The following SMC5 variants were observed in gnomAD, a reference collection of about 807,000 sequenced individuals.
The protein encoded by SMC5 is structural maintenance of chromosomes protein 5.
SMC5 carries 88 observed loss-of-function variants against 148.3 expected under a neutral mutation model. That is an observed-to-expected ratio of 0.59 (90% CI 0.50 to 0.71). The LOEUF is 0.71. Among genes scored for constraint, SMC5 ranks in the 30% least tolerant of loss-of-function variants. SMC5 has a pLI of 0.00. For missense variants in SMC5, 1,142 were observed against 1,298.9 expected, an observed-to-expected ratio of 0.88 and a Z score of 1.86; for synonymous variants, 421 against 432.8, an observed-to-expected ratio of 0.97 and a Z score of 0.34.
chr9:70,352,777 A>T lies in SMC5; in HGVS notation c.*446A>T, dbSNP rs1703160262. The T allele has an allele frequency of 6.5e-6, 1 of 153,036 alleles. No individual in the cohort carries two copies. The highest frequency in any genetic ancestry group is 2.0e-4 in the South Asian group (1 of 4,884). 9.5% of individuals were successfully genotyped at this position (153,036 alleles called of 1,614,324 possible). A position where few individuals can be genotyped will look rare whatever the true frequency, so the allele number is the denominator to read the frequency against. On this transcript the variant is annotated 3_prime_UTR_variant, in exon 25 of 25. Transcript: ENST00000361138. Reference sequence around the variant, plus strand: ...TATTTAATTTTAAAAAATTGATATGAAAATGTCTAATGTATAGTAATAATT... The same window carrying T: ...TATTTAATTTTAAAAAATTGATATGTAAATGTCTAATGTATAGTAATAATT...
At chr9:70,323,954 C>G in intron 16 of SMC5, 67 bp from the exon 17 acceptor site, 1 of 1,338,728 alleles carries the variant, frequency 7.5e-7, no homozygotes, top group Non-Finnish European at 1.0e-6. Context: ...TTTTAAAAAA[C>G]TATACATTTT....
intron 12 of SMC5, 57 bp downstream of exon 12, chr9:70,314,893 TTACA>T: frequency 9.2e-7 from 1 of 1,084,324 alleles, no homozygotes. Context: ...ACATTTATTG[TTACA>T]TAAATAAGCT....
intron 13 of SMC5, 85 bp from the exon 14 acceptor site, chr9:70,318,429 A>G: frequency 6.9e-6 from 8 of 1,152,560 alleles, no homozygotes; most frequent in Non-Finnish European, 8.3e-6. Flanking sequence ...ATCTTCCAAA[A>G]TTCACTTGGT....
chr9:70,279,813 G>A lies in SMC5; in HGVS notation c.679-946G>A, dbSNP rs76470798. On this transcript the variant is annotated intron_variant, in intron 5 of 24. Coordinates refer to ENST00000361138, the MANE Select transcript of SMC5 (RefSeq NM_015110.4). ...GCCTGGGCAACAAGAGCAAAACTCCGTTTCAAAAAAAAAAAAAAAAAAAAA... is the reference window on the plus strand; with the variant it reads ...GCCTGGGCAACAAGAGCAAAACTCCATTTCAAAAAAAAAAAAAAAAAAAAA... Among the ~76,000 whole-genome samples the A allele has an allele frequency of 1.6e-3, 135 of 85,544 alleles. 1 individual carries two copies. Among genetic ancestry groups the A allele is most frequent in the Middle Eastern group, 0.026 (2 of 78 alleles). 56.1% of individuals were successfully genotyped at this position (85,544 alleles called of 152,430 possible). A position where few individuals can be genotyped will look rare whatever the true frequency, so the allele number is the denominator to read the frequency against.
chr9:70,314,724 T>C lies in SMC5; in HGVS notation c.1579-18T>C. 1 of 1,308,320 alleles carries C rather than the reference T, an allele frequency of 7.6e-7. No individual in the cohort carries two copies. Among genetic ancestry groups the C allele is most frequent in the Non-Finnish European group, 1.1e-6 (1 of 941,706 alleles). The allele number at this position is 1,308,320 out of a possible 1,614,324, so 81.0% of individuals were successfully genotyped here. On this transcript the variant is annotated intron_variant, in intron 11 of 24. Coordinates refer to ENST00000361138, the MANE Select transcript of SMC5 (RefSeq NM_015110.4). ...ATATATGGTAATTAAAATAATATTT[T>C]CTTTTCCCTATATTCAGGTTCGTGA...
rs569507827 is a variant in SMC5, at chr9:70,259,002, G to T, written c.-77G>T. 1.4e-6 allele frequency: 2 copies of T among 1,465,590 alleles called. No individual in the cohort carries two copies. Among genetic ancestry groups the T allele is most frequent in the Non-Finnish European group, 1.8e-6 (2 of 1,103,450 alleles). The allele number at this position is 1,465,590 out of a possible 1,614,324, so 90.8% of individuals were successfully genotyped here. On this transcript the variant is annotated 5_prime_UTR_variant, in exon 1 of 25. Coordinates refer to ENST00000361138, the MANE Select transcript of SMC5 (RefSeq NM_015110.4). ...CAGTTCGCGCGGGAGCGGGGCGCCT[G>T]GGTGGATGGGCGCTTGGGCGCCTGG...
intron 17 of SMC5, among the ~76,000 whole-genome samples, chr9:70,335,451 C>T (rs117318762): frequency 1.2e-4 from 18 of 152,200 alleles, no homozygotes; most frequent in African/African-American, 2.9e-4. Flanking sequence ...CATGTCACTG[C>T]GCTATAGCCT....
Position 70,264,369 on chromosome 9 carries a change from C to T in SMC5, c.251C>T (p.Thr84Ile). ...AATATGATCGTTGGAGCCAATGGAA[C>T]AGGGAAGTCGAGCATTGTGTGTGCC... ...HLNMIVGANGTGKSSIVCAIC... is the reference protein window; with the variant it reads ...HLNMIVGANGIGKSSIVCAIC... The change falls in exon 2 of 25, where the codon ACA (threonine) becomes ATA (isoleucine). Residue 84 changes from threonine to isoleucine, a missense_variant. By Grantham distance (89) the Thr-to-Ile change is moderately conservative (BLOSUM62 -1). Around this residue, in one of 5 missense-constraint regions of SMC5, gnomAD observed 297 missense variants for 302.6 expected, o/e 0.98. Coordinates refer to ENST00000361138, the MANE Select transcript of SMC5 (RefSeq NM_015110.4). 1 of 1,614,022 alleles carries T rather than the reference C, an allele frequency of 6.2e-7. No homozygotes were observed. The highest frequency in any genetic ancestry group is 8.5e-7 in the Non-Finnish European group (1 of 1,179,946).
chr9:70,347,025 G>A, intron 19 of SMC5, 41 bp from the exon 20 acceptor site: 1 of 1,444,980 alleles, frequency 6.9e-7, no homozygotes, highest in Non-Finnish European at 9.7e-7. Context: ...GAATGGAACT[G>A]TTTTCATTGT....
intron 9 of SMC5, among the ~76,000 whole-genome samples, chr9:70,298,578 A>G (rs553912977): frequency 1.9e-4 from 29 of 152,100 alleles, no homozygotes; most frequent in South Asian, 2.1e-4. Flanking sequence ...AACCTGTCCA[A>G]TTTCATCTTT....
intron 17 of SMC5, among the ~76,000 whole-genome samples, chr9:70,329,273 A>T (rs1011026828): frequency 2.0e-5 from 3 of 152,170 alleles, no homozygotes; most frequent in Non-Finnish European, 4.4e-5. Context: ...TTGGGCTGCA[A>T]GTTTTCCAAA....
At chr9:70,339,671 A>T (rs1176494122) in intron 17 of SMC5, among the ~76,000 whole-genome samples, 1 of 152,172 alleles carries the variant, frequency 6.6e-6, no homozygotes, top group African/African-American at 2.4e-5. Context: ...AACTATTGCT[A>T]CCACTTGGTT....
intron 11 of SMC5, among the ~76,000 whole-genome samples, chr9:70,313,353 G>C (rs929649479): frequency 6.6e-6 from 1 of 152,050 alleles, no homozygotes; most frequent in Non-Finnish European, 1.5e-5. Context: ...TTTCTTGAAC[G>C]TGTGTATATA....
At chr9:70,298,687 T>TA (rs1426528193) in intron 9 of SMC5, among the ~76,000 whole-genome samples, 1 of 151,584 alleles carries the variant, frequency 6.6e-6, no homozygotes, top group Non-Finnish European at 1.5e-5. Context: ...AAGATCAGTT[T>TA]AAAAAAATTT....
chr9:70,264,258 G>T, intron 1 of SMC5, 46 bp from the exon 2 acceptor site: 1 of 1,547,138 alleles, frequency 6.5e-7, no homozygotes, highest in Non-Finnish European at 8.8e-7. Context: ...GCAAGGAAAA[G>T]TGGTTTTGTA....
intron 2 of SMC5, among the ~76,000 whole-genome samples, chr9:70,266,435 T>C (rs1046392679): frequency 1.3e-5 from 2 of 152,200 alleles, no homozygotes; most frequent in Non-Finnish European, 2.9e-5. Context: ...AATATTGATA[T>C]ATAGTTTTTT....
At chr9:70,272,721 T>G (rs986614164) in intron 3 of SMC5, among the ~76,000 whole-genome samples, 4 of 152,184 alleles carry the variant, frequency 2.6e-5, no homozygotes, top group Non-Finnish European at 5.9e-5. Flanking sequence ...AGAAGAGTTC[T>G]AAGAACGTAT....
chr9:70,260,650 T>C (rs2034094977), intron 1 of SMC5, among the ~76,000 whole-genome samples: 1 of 152,230 alleles, frequency 6.6e-6, no homozygotes, highest in South Asian at 2.1e-4. Flanking sequence ...AAGATAAATG[T>C]AATCAAATGA....
Position 70,324,067 on chromosome 9 carries a change from A to AT in SMC5, c.2322dup (p.Thr775TyrfsTer6), listed in dbSNP as rs2036015021. 2 of 1,598,758 alleles carry AT rather than the reference A, an allele frequency of 1.3e-6. No individual in the cohort carries two copies. The highest frequency in any genetic ancestry group is 1.8e-5 in the Admixed American group (1 of 55,224). On this transcript the variant is annotated frameshift_variant, in exon 17 of 25. Coordinates refer to ENST00000361138, the MANE Select transcript of SMC5 (RefSeq NM_015110.4). LOFTEE classifies it high-confidence loss of function. ...CAAAAAGTAGATTTAATTCTCCAAA[A>AT]TACTACAGTGATCTCTGAGAAGAAC...
Sources: gnomAD v4.1 joint callset for allele counts (sites outside exome capture counted in the v4.1 genomes callset) on GRCh38, gnomAD v4.1.1 for gene constraint, gnomAD v4.1.1 regional missense constraint, MANE v1.5 for transcripts, NCBI Gene and HGNC (gene_info 2026-07-23, HGNC 2026-07-21) for gene names.